CCNY: variants seen among roughly 807,000 people sequenced by gnomAD.
CCNY encodes cyclin-Y.
Under a neutral mutation model 42.8 loss-of-function variants are expected in CCNY, and 19 were observed. The ratio of observed to expected loss-of-function variants is 0.44; its 90% CI spans 0.31 to 0.65. CCNY has a LOEUF of 0.65. Ranked by LOEUF, CCNY falls within the 30% of genes least tolerant of loss-of-function variation. The probability of loss-of-function intolerance (pLI) is 0.07; values close to 1 mark genes in which losing one functional copy is unlikely to be tolerated. For missense variants in CCNY, 370 were observed against 437.3 expected (o/e 0.85, Z 1.37); for synonymous variants, 165 against 162.7 (o/e 1.01, Z -0.11).
At chr10:35,356,656 A>G (rs1354674883) in intron 1 of CCNY, among the ~76,000 whole-genome samples, 1 of 152,200 alleles carries the variant, frequency 6.6e-6, no homozygotes, top group Non-Finnish European at 1.5e-5. Context: ...AGGTTTGGCA[A>G]TAATGCTGCT....
intron 3 of CCNY, among the ~76,000 whole-genome samples, chr10:35,290,806 TAAC>T (rs1564359805): frequency 1.3e-5 from 2 of 151,194 alleles, no homozygotes; most frequent in African/African-American, 2.4e-5. Context: ...TACGAAAAAA[TAAC>T]AACAACGAAA....
At chr10:35,425,147 C>T (rs1028880744) in intron 1 of CCNY, among the ~76,000 whole-genome samples, 57 of 152,186 alleles carry the variant, frequency 3.7e-4, no homozygotes, top group African/African-American at 9.9e-4. Flanking sequence ...ACTGCCAGGC[C>T]GATGTTGGAG....
chr10:35,336,517 T>C lies in CCNY; in HGVS notation c.-537T>C, dbSNP rs987220116. 14 of 149,286 alleles carry C rather than the reference T, an allele frequency of 9.4e-5. No homozygotes were observed. The highest frequency in any genetic ancestry group is 1.5e-4 in the Non-Finnish European group (10 of 67,056). The allele number at this position is 149,286 out of a possible 1,614,324, so 9.2% of individuals were successfully genotyped here. ...GAGGGAGGGCCGCCAGCATCCTCCC[T>C]GGCCGCGCCGCACCGCGCCGCGAGG... On this transcript the variant is annotated 5_prime_UTR_variant, in exon 1 of 10. Coordinates refer to ENST00000374704, the MANE Select transcript of CCNY (RefSeq NM_145012.6).
intron 1 of CCNY, among the ~76,000 whole-genome samples, chr10:35,455,078 A>G (rs1371842658): frequency 6.6e-6 from 1 of 152,208 alleles, no homozygotes; most frequent in Non-Finnish European, 1.5e-5. Flanking sequence ...TCCCCTCACC[A>G]GGTGAAACCA....
At chr10:35,484,824 C>T (rs1360525590) in intron 2 of CCNY, among the ~76,000 whole-genome samples, 2 of 152,166 alleles carry the variant, frequency 1.3e-5, no homozygotes, top group Non-Finnish European at 2.9e-5. Context: ...GAGTGCAGAC[C>T]AACTTCATTC....
At chr10:35,283,111 G>A (rs188494599) in intron 3 of CCNY, among the ~76,000 whole-genome samples, 7 of 152,232 alleles carry the variant, frequency 4.6e-5, no homozygotes, top group African/African-American at 1.4e-4. Flanking sequence ...GCCCAAACTA[G>A]CTTTTGATTC....
chr10:35,411,852 A>T (rs1336193090), intron 1 of CCNY, among the ~76,000 whole-genome samples: 1 of 152,236 alleles, frequency 6.6e-6, no homozygotes, highest in Non-Finnish European at 1.5e-5. Flanking sequence ...GAAGAAAGAG[A>T]CCAAGGTGTT....
intron 4 of CCNY, among the ~76,000 whole-genome samples, chr10:35,517,701 A>T (rs1052557967): frequency 6.6e-6 from 1 of 152,178 alleles, no homozygotes; most frequent in African/African-American, 2.4e-5. Flanking sequence ...CTAAGTGGCA[A>T]TGCAGCCTCT....
chr10:35,505,897 T>C (rs572371082), intron 3 of CCNY, among the ~76,000 whole-genome samples: 1 of 152,228 alleles, frequency 6.6e-6, no homozygotes, highest in Non-Finnish European at 1.5e-5. Context: ...CTTGAATCAT[T>C]TGCTCCTCTT....
At chr10:35,466,644 C>T (rs1839276207) in intron 1 of CCNY, among the ~76,000 whole-genome samples, 1 of 152,174 alleles carries the variant, frequency 6.6e-6, no homozygotes, top group African/African-American at 2.4e-5. Context: ...TTCCGTAACC[C>T]TCTTTATGGT....
At chr10:35,502,748 C>G (rs1035712106) in intron 3 of CCNY, among the ~76,000 whole-genome samples, 1 of 151,828 alleles carries the variant, frequency 6.6e-6, no homozygotes, top group East Asian at 1.9e-4. Flanking sequence ...AATTGCCATG[C>G]CTTTTTTTTT....
Position 35,314,324 on chromosome 10 carries a change from ATGG to A in CCNY, c.-9+63702_-9+63704del, listed in dbSNP as rs375731945. On this transcript the variant is annotated intron_variant, in intron 3 of 11. Transcript: ENST00000374706. The stretch of plus-strand genomic sequence containing the variant: ...GTGGAAGGCAAAAGGCACATCTTAC[ATGG>A]TGGCAGTCAAGAGAGAATGAGAGCC... Among the ~76,000 whole-genome samples the A allele has an allele frequency of 1.9e-3, 290 of 152,332 alleles. 1 individual carries two copies. Among genetic ancestry groups the A allele is most frequent in the African/African-American group, 6.6e-3 (274 of 41,572 alleles).
intron 3 of CCNY, among the ~76,000 whole-genome samples, chr10:35,322,039 T>C (rs1472497712): frequency 6.6e-6 from 1 of 152,100 alleles, no homozygotes; most frequent in East Asian, 1.9e-4. Flanking sequence ...TCACCTCAAA[T>C]TGGATCATGT....
chr10:35,383,629 A>C (rs1419419677), intron 1 of CCNY, among the ~76,000 whole-genome samples: 3 of 152,156 alleles, frequency 2.0e-5, no homozygotes, highest in African/African-American at 7.2e-5. Context: ...CAAAAGAAGA[A>C]AGTATTTCTG....
intron 1 of CCNY, among the ~76,000 whole-genome samples, chr10:35,421,899 AT>A (rs1838166784): frequency 6.6e-6 from 1 of 152,098 alleles, no homozygotes; most frequent in Non-Finnish European, 1.5e-5. Context: ...TGTTGGGTGA[AT>A]TTTAATTCAG....
At chr10:35,479,617 GA>G (rs1272943987) in intron 1 of CCNY, among the ~76,000 whole-genome samples, 236 of 123,830 alleles carry the variant, frequency 1.9e-3, no homozygotes, top group South Asian at 5.8e-3. Context: ...GGGGTGGGGG[GA>G]GGGGGGGGAG....
At chr10:35,365,504 G>A (rs1235274355) in intron 1 of CCNY, among the ~76,000 whole-genome samples, 1 of 152,172 alleles carries the variant, frequency 6.6e-6, no homozygotes, top group Non-Finnish European at 1.5e-5. Flanking sequence ...TAAACAGCAA[G>A]AGCTAAAGTT....
chr10:35,454,494 CCT>C (rs1357193360), intron 1 of CCNY, among the ~76,000 whole-genome samples: 1 of 152,214 alleles, frequency 6.6e-6, no homozygotes, highest in Non-Finnish European at 1.5e-5. Context: ...CCCTTGAAAA[CCT>C]GGAGCCTGGT....
intron 1 of CCNY, among the ~76,000 whole-genome samples, chr10:35,467,022 A>T (rs1839283696): frequency 6.6e-6 from 1 of 152,216 alleles, no homozygotes; most frequent in Admixed American, 6.5e-5. Flanking sequence ...TTCCAAAAGG[A>T]TTGATAATTC....
Sources: allele counts gnomAD v4.1 joint callset (sites outside exome capture counted in the v4.1 genomes callset), GRCh38; gene constraint gnomAD v4.1.1; transcripts MANE v1.5; gene names NCBI Gene and HGNC (gene_info 2026-07-23, HGNC 2026-07-21).